CAMTA1: variants seen among roughly 807,000 people sequenced by gnomAD.
CAMTA1 encodes calmodulin binding transcription activator 1.
CAMTA1 carries 27 observed loss-of-function variants against 170.9 expected under a neutral mutation model. That is an observed-to-expected ratio of 0.16 (90% confidence interval 0.12 to 0.22). CAMTA1 has a LOEUF of 0.22. Ranked by LOEUF, CAMTA1 falls within the 10% of genes least tolerant of loss-of-function variation. The pLI is 1.00. For missense variants in CAMTA1, 1,619 were observed against 2,217.2 expected (o/e 0.73, Z 5.42); for synonymous variants, 833 against 891.5 (o/e 0.93, Z 1.17).
intron 4 of CAMTA1, among the ~76,000 whole-genome samples, chr1:7,135,843 A>G (rs979470090): frequency 6.6e-6 from 1 of 152,194 alleles, no homozygotes; most frequent in African/African-American, 2.4e-5. Context: ...AGTACCAGCG[A>G]CATTAAGTAA....
chr1:7,019,542 T>A (rs1388595021), intron 3 of CAMTA1, among the ~76,000 whole-genome samples: 2 of 151,796 alleles, frequency 1.3e-5, no homozygotes, highest in African/African-American at 4.8e-5. Context: ...AACCCAGGAT[T>A]GGGGCACCAG....
intron 5 of CAMTA1, among the ~76,000 whole-genome samples, chr1:7,466,826 G>T (rs1347788047): frequency 1.3e-5 from 2 of 152,118 alleles, no homozygotes; most frequent in Non-Finnish European, 2.9e-5. Context: ...CTTTGGTGGG[G>T]GCCCCCATCA....
At chr1:6,903,382 T>C (rs1677563342) in intron 3 of CAMTA1, among the ~76,000 whole-genome samples, 1 of 152,248 alleles carries the variant, frequency 6.6e-6, no homozygotes, top group African/African-American at 2.4e-5. Context: ...TACATTTTAT[T>C]GTATGTTAAT....
At position 7,455,388 on chromosome 1, in the gene CAMTA1, C is replaced by T. The variant is rs771712232; in HGVS notation, c.439-12442C>T. 5.0e-4 allele frequency among the ~76,000 whole-genome samples: 76 copies of T among 152,150 alleles called. No homozygotes were observed. Among genetic ancestry groups the T allele is most frequent in the Admixed American group, 1.6e-3 (24 of 15,286 alleles). On this transcript the variant is annotated intron_variant, in intron 5 of 22. Coordinates refer to ENST00000303635, the MANE Select transcript of CAMTA1 (RefSeq NM_015215.4). The surrounding 1 kb of genome is among the most constrained non-coding windows in gnomAD (Gnocchi z 5.0). ...GCCCATTAATTCTGCATGCTCAGGC[C>T]GAATTAACCTTGGCAAGCCTTCAAG...
chr1:7,118,271 A>G (rs1421934230), intron 4 of CAMTA1, among the ~76,000 whole-genome samples: 2 of 147,050 alleles, frequency 1.4e-5, no homozygotes, highest in Non-Finnish European at 3.0e-5. Context: ...TCAGAGTGGG[A>G]CTGCAGATTC....
chr1:7,203,273 A>G lies in CAMTA1; in HGVS notation c.303-46218A>G, dbSNP rs1657036910. On this transcript the variant is annotated intron_variant, in intron 4 of 22. Coordinates refer to ENST00000303635, the MANE Select transcript of CAMTA1 (RefSeq NM_015215.4). ...CTAGTATTTTGTTGAGGATTTTTTT[A>G]TCCATACCCATAAGAGATATTGGTG... Among the ~76,000 whole-genome samples, 2 of 152,140 alleles carry G rather than the reference A, an allele frequency of 1.3e-5. 1 individual carries two copies. The highest frequency in any genetic ancestry group is 2.9e-5 in the Non-Finnish European group (2 of 67,998).
At chr1:6,988,697 C>T (rs1490324616) in intron 3 of CAMTA1, among the ~76,000 whole-genome samples, 8 of 152,140 alleles carry the variant, frequency 5.3e-5, no homozygotes, top group African/African-American at 1.2e-4. Flanking sequence ...CTTGGAGTCC[C>T]GTCCAACGGG....
Position 7,144,846 on chromosome 1 carries a change from C to G in CAMTA1, c.302+53475C>G, listed in dbSNP as rs1004955784. Among the ~76,000 whole-genome samples the G allele has an allele frequency of 3.9e-5, 6 of 152,102 alleles. No homozygotes were observed. The highest frequency in any genetic ancestry group is 1.4e-4 in the African/African-American group (6 of 41,422). ...GAATGTTCCCTATAATTTGAACAAC[C>G]CTAAGAATTCAACTTTAAGCTGGTC... is the stretch of plus-strand genomic sequence containing the variant. On this transcript the variant is annotated intron_variant, in intron 4 of 22. Transcript: ENST00000303635. This position sits in a 1 kb window ranked among gnomAD's most constrained non-coding sequence, Gnocchi z 4.0.
chr1:7,492,574 C>G (rs975410264), intron 6 of CAMTA1, among the ~76,000 whole-genome samples: 10 of 151,964 alleles, frequency 6.6e-5, no homozygotes, highest in African/African-American at 2.4e-4. Flanking sequence ...CACATACAAA[C>G]GCAAACCTAC....
intron 5 of CAMTA1, among the ~76,000 whole-genome samples, chr1:7,402,914 G>C (rs771318696): frequency 6.6e-6 from 1 of 152,216 alleles, no homozygotes; most frequent in Non-Finnish European, 1.5e-5. Context: ...AATGGGGCAC[G>C]CGGGACTCGC....
At chr1:7,000,463 G>A (rs1268481397) in intron 3 of CAMTA1, among the ~76,000 whole-genome samples, 2 of 152,212 alleles carry the variant, frequency 1.3e-5, no homozygotes, top group African/African-American at 4.8e-5. Flanking sequence ...AGTTGAAGAG[G>A]CAGGACAGGA....
intron 5 of CAMTA1, among the ~76,000 whole-genome samples, chr1:7,303,417 C>CA (rs1176376974): frequency 6.6e-6 from 1 of 152,160 alleles, no homozygotes; most frequent in Non-Finnish European, 1.5e-5. Flanking sequence ...TACACACATG[C>CA]ACAAATATGT....
chr1:7,665,348 C>A lies in CAMTA1; in HGVS notation c.2652+149C>A. On this transcript the variant is annotated intron_variant, in intron 9 of 22. Transcript: ENST00000303635. This position sits in a 1 kb window ranked among gnomAD's most constrained non-coding sequence, Gnocchi z 4.3. ...ATGATGCTTTCCCCTCCTTGTGTCC[C>A]CACGGCGCTTGAACACCTCCGTCTT... 1.7e-6 allele frequency: 1 copy of A among 580,772 alleles called. No individual in the cohort carries two copies. The highest frequency in any genetic ancestry group is 2.6e-6 in the Non-Finnish European group (1 of 379,552). 36.0% of individuals were successfully genotyped at this position (580,772 alleles called of 1,614,324 possible).
At chr1:7,695,435 A>G (rs940398153) in intron 11 of CAMTA1, among the ~76,000 whole-genome samples, 1 of 152,096 alleles carries the variant, frequency 6.6e-6, no homozygotes, top group African/African-American at 2.4e-5. Flanking sequence ...TCATTTTTAT[A>G]TTTGGTGAAA....
At chr1:7,246,670 C>CTTTTTTTTTTTTTTTT (rs34382670) in intron 4 of CAMTA1, among the ~76,000 whole-genome samples, 4 of 73,922 alleles carry the variant, frequency 5.4e-5, no homozygotes, top group Admixed American at 1.8e-4. Flanking sequence ...CTCTGACCTG[C>CTTTTTTTTTTTTTTTT]TTTTTTTTTT....
chr1:7,683,343 G>A (rs2096229432), intron 11 of CAMTA1, among the ~76,000 whole-genome samples: 1 of 152,150 alleles, frequency 6.6e-6, no homozygotes. Flanking sequence ...GTATTGTGGA[G>A]CAGAATACAA....
At chr1:7,549,900 G>C in intron 6 of CAMTA1, among the ~76,000 whole-genome samples, 1 of 152,136 alleles carries the variant, frequency 6.6e-6, no homozygotes, top group East Asian at 1.9e-4. Context: ...CAGAGAAGAG[G>C]CTGGCCCCAT....
chr1:6,796,330 G>T (rs1489408735), intron 1 of CAMTA1, among the ~76,000 whole-genome samples: 1 of 151,836 alleles, frequency 6.6e-6, no homozygotes, highest in Non-Finnish European at 1.5e-5. Flanking sequence ...CGGAGATGGA[G>T]TTTCGCCGTG....
intron 3 of CAMTA1, among the ~76,000 whole-genome samples, chr1:6,933,908 G>A (rs986887743): frequency 3.3e-5 from 5 of 152,160 alleles, no homozygotes; most frequent in African/African-American, 1.2e-4. Context: ...AATCTAAGTC[G>A]TGTTAGCTCT....
Sources: allele counts gnomAD v4.1 joint callset (sites outside exome capture counted in the v4.1 genomes callset), GRCh38; gene constraint gnomAD v4.1.1; non-coding constraint Gnocchi (gnomAD v3.1); transcripts MANE v1.5; gene names NCBI Gene and HGNC (gene_info 2026-07-23, HGNC 2026-07-21).